The following RBFOX1 variants were observed in gnomAD, a reference collection of about 807,000 sequenced individuals.
RBFOX1 encodes the protein RNA binding fox-1 homolog 1, also known as RNA binding protein fox-1 homolog 1.
In RBFOX1, 8 loss-of-function variants were observed where a neutral mutation model predicts 57.7. The ratio of observed to expected loss-of-function variants is 0.14; its 90% CI spans 0.08 to 0.25. The LOEUF is 0.25. RBFOX1 is among the 10% of genes least tolerant of loss of function. The pLI, the probability that RBFOX1 is intolerant of heterozygous loss-of-function variation, is 1.00. For synonymous variants in RBFOX1, 326 were observed against 222.4 expected, an observed-to-expected ratio of 1.47 and a Z score of -4.15; for missense variants, 611 against 548.5, an observed-to-expected ratio of 1.11 and a Z score of -1.14.
At position 7,415,185 on chromosome 16, in the gene RBFOX1, C is replaced by T. The variant is rs553351314; in HGVS notation, c.28-102962C>T. ...TTGCCATGCCCCATGGCTTACAATC[C>T]TGGCTGTGCCTTCAAATGTCCCAGA... On this transcript the variant is annotated intron_variant, in intron 4 of 15. Transcript: ENST00000550418. 3.3e-5 allele frequency among the ~76,000 whole-genome samples: 5 copies of T among 152,316 alleles called. No homozygotes were observed. In the East Asian group the frequency reaches 9.7e-4, roughly 29 times the overall value.
intron 4 of RBFOX1, among the ~76,000 whole-genome samples, chr16:7,302,373 G>A (rs962512281): frequency 6.6e-6 from 1 of 152,156 alleles, no homozygotes; most frequent in Non-Finnish European, 1.5e-5. Flanking sequence ...GTTGTGCCTT[G>A]CGAGCTGATG....
chr16:6,753,508 T>A (rs1453492736), intron 3 of RBFOX1, among the ~76,000 whole-genome samples: 3 of 152,180 alleles, frequency 2.0e-5, no homozygotes, highest in Non-Finnish European at 2.9e-5. Flanking sequence ...TCATCTCCTA[T>A]ACCATGTCTC....
At chr16:7,141,084 G>C (rs1356765037) in intron 4 of RBFOX1, among the ~76,000 whole-genome samples, 3 of 152,108 alleles carry the variant, frequency 2.0e-5, no homozygotes, top group African/African-American at 7.2e-5. Context: ...CGATGAGCTG[G>C]GGTGGTTTCT....
intron 4 of RBFOX1, among the ~76,000 whole-genome samples, chr16:7,418,743 C>G (rs2098508950): frequency 6.6e-6 from 1 of 151,878 alleles, no homozygotes; most frequent in Non-Finnish European, 1.5e-5. Context: ...ATGGTCTTAT[C>G]CTCTTTTCTC....
At chr16:5,508,205 A>T (rs2043445394) in intron 2 of RBFOX1, among the ~76,000 whole-genome samples, 1 of 152,110 alleles carries the variant, frequency 6.6e-6, no homozygotes, top group Admixed American at 6.6e-5. Flanking sequence ...TCTGAGTCTC[A>T]CAGACTGCAA....
intron 4 of RBFOX1, among the ~76,000 whole-genome samples, chr16:7,070,025 C>T (rs1218499653): frequency 6.6e-6 from 1 of 152,176 alleles, no homozygotes; most frequent in East Asian, 1.9e-4. Context: ...CTTTTGCCAT[C>T]AGTCTTTTAT....
At chr16:6,054,914 C>G (rs1439837382) in intron 1 of RBFOX1, among the ~76,000 whole-genome samples, 6 of 152,098 alleles carry the variant, frequency 3.9e-5, no homozygotes, top group Non-Finnish European at 8.8e-5. Flanking sequence ...TCCCAAGTAG[C>G]TGGGACTGCA....
At chr16:5,554,143 G>C (rs1259738574) in intron 2 of RBFOX1, among the ~76,000 whole-genome samples, 1 of 151,792 alleles carries the variant, frequency 6.6e-6, no homozygotes. Flanking sequence ...ATTAATTTTT[G>C]TATTTTTAGT....
At chr16:6,628,807 T>C (rs1235478648) in intron 2 of RBFOX1, among the ~76,000 whole-genome samples, 3 of 152,210 alleles carry the variant, frequency 2.0e-5, no homozygotes, top group Non-Finnish European at 4.4e-5. Flanking sequence ...AGGTATGATC[T>C]GTATGTTTAT....
intron 2 of RBFOX1, among the ~76,000 whole-genome samples, chr16:6,646,136 C>T (rs8051698): frequency 2.6e-5 from 4 of 152,006 alleles, no homozygotes; most frequent in African/African-American, 4.8e-5. Context: ...GCGAAGTGGT[C>T]GAGTGGGGCT....
At chr16:7,135,041 A>G (rs1210527994) in intron 4 of RBFOX1, among the ~76,000 whole-genome samples, 1 of 152,192 alleles carries the variant, frequency 6.6e-6, no homozygotes, top group Non-Finnish European at 1.5e-5. Flanking sequence ...TGAGAAAAAT[A>G]AAATAAAACA....
intron 4 of RBFOX1, among the ~76,000 whole-genome samples, chr16:7,054,062 T>C (rs1479924250): frequency 6.6e-6 from 1 of 151,582 alleles, no homozygotes; most frequent in African/African-American, 2.4e-5. Context: ...TCTGTAGATA[T>C]TTTCTTCTGC....
intron 3 of RBFOX1, among the ~76,000 whole-genome samples, chr16:6,683,582 T>C (rs111271056): frequency 6.6e-6 from 1 of 152,258 alleles, no homozygotes; most frequent in Non-Finnish European, 1.5e-5. Flanking sequence ...TACACGTGTA[T>C]ACATGTGTGT....
At chr16:6,719,285 G>GA (rs60940682) in intron 3 of RBFOX1, among the ~76,000 whole-genome samples, 5,469 of 151,622 alleles carry the variant, frequency 0.036, 338 homozygotes, top group African/African-American at 0.12. Flanking sequence ...ATATTCAACA[G>GA]AAAAAAAGAG....
At chr16:6,373,019 T>G (rs1398685426) in intron 2 of RBFOX1, among the ~76,000 whole-genome samples, 2 of 150,516 alleles carry the variant, frequency 1.3e-5, no homozygotes, top group African/African-American at 4.9e-5. Flanking sequence ...GGAGGATGGT[T>G]GGGTGGAATG....
rs1567651086 is a variant in RBFOX1, at chr16:5,870,394, G to GAAA, written c.351+3061_351+3062insAAA. On this transcript the variant is annotated intron_variant, in intron 4 of 19. Transcript: ENST00000641259. The stretch of plus-strand genomic sequence containing the variant: ...ATGGCAAAAAAAAAAAAAAAAAAAT[G>GAAA]AAGGCACTTGGCAAGAAAAAAGAGA... Among the ~76,000 whole-genome samples, 593 of 130,750 alleles carry GAAA rather than the reference G, an allele frequency of 4.5e-3. 13 individuals carry two copies. The highest frequency in any genetic ancestry group is 0.015 in the African/African-American group (491 of 33,844). 85.8% of individuals were successfully genotyped at this position (130,750 alleles called of 152,430 possible).
intron 3 of RBFOX1, among the ~76,000 whole-genome samples, chr16:5,784,767 C>CA (rs2054443140): frequency 6.6e-6 from 1 of 152,016 alleles, no homozygotes; most frequent in Non-Finnish European, 1.5e-5. Flanking sequence ...TGGAAGAGGC[C>CA]CCAGAGAGCT....
chr16:6,421,883 C>T (rs1439730127), intron 2 of RBFOX1, among the ~76,000 whole-genome samples: 4 of 151,814 alleles, frequency 2.6e-5, no homozygotes, highest in Non-Finnish European at 5.9e-5. Context: ...ACTGTGGTCC[C>T]ATTTCCTGGT....
intron 4 of RBFOX1, among the ~76,000 whole-genome samples, chr16:7,118,158 G>C (rs1189268155): frequency 6.6e-6 from 1 of 152,074 alleles, no homozygotes; most frequent in Non-Finnish European, 1.5e-5. Flanking sequence ...TCTGCATACT[G>C]TTGCATACTG....
Sources: allele counts gnomAD v4.1 joint callset (sites outside exome capture counted in the v4.1 genomes callset), GRCh38; gene constraint gnomAD v4.1.1; transcripts MANE v1.5; gene names NCBI Gene and HGNC (gene_info 2026-07-23, HGNC 2026-07-21).